Variants in GGA1 observed in about 807,000 individuals in gnomAD.
GGA1 encodes ADP-ribosylation factor-binding protein GGA1.
GGA1 carries 18 observed loss-of-function variants against 76.9 expected under a neutral mutation model. The observed-to-expected ratio is 0.23, with a 90% CI of 0.16 to 0.35. GGA1 has a LOEUF of 0.35. Among genes scored for constraint, GGA1 ranks in the 10% least tolerant of loss-of-function variants. The pLI is 1.00. For synonymous variants in GGA1, 342 were observed against 354.7 expected (o/e 0.96, Z 0.40); for missense variants, 755 against 859.0 (o/e 0.88, Z 1.51).
chr22:37,619,796 A>ACAG, intron 4 of GGA1: 1 of 778,716 alleles, frequency 1.3e-6, no homozygotes, highest in South Asian at 1.3e-5. Flanking sequence ...TCTCCTCCCA[A>ACAG]CAGGGGACTC....
Position 37,630,091 on chromosome 22 carries a change from A to T in GGA1, c.1252A>T (p.Ser418Cys). ...AGCGCAGACATCCCTGCCAGCAAGC[A>T]GCGGTCTGGACGACCTAGACCTCCT... ...PPAQTSLPAS[S>C]GLDDLDLLGK... Residue 418 changes from serine (S) to cysteine (C), a missense_variant, in exon 13 of 17, where the codon AGC (serine) becomes TGC (cysteine). Ser to Cys is a moderately radical substitution (Grantham distance 112). Transcript: ENST00000343632. The T allele has an allele frequency of 6.2e-7, 1 of 1,610,750 alleles. No homozygotes were observed. Among genetic ancestry groups the T allele is most frequent in the South Asian group, 1.1e-5 (1 of 90,996 alleles).
At chr22:37,611,826 C>T (rs1336247458) in intron 1 of GGA1, among the ~76,000 whole-genome samples, 5 of 152,212 alleles carry the variant, frequency 3.3e-5, no homozygotes, top group East Asian at 1.9e-4. Flanking sequence ...GCCGCCATGG[C>T]CTTCCCATGC....
intron 11 of GGA1, among the ~76,000 whole-genome samples, chr22:37,627,909 T>C (rs1931134781): frequency 6.6e-6 from 1 of 152,206 alleles, no homozygotes; most frequent in Non-Finnish European, 1.5e-5. Flanking sequence ...TCAGGCAGCC[T>C]TAACCTCCCC....
intron 3 of GGA1, chr22:37,617,481 A>T: frequency 2.0e-6 from 2 of 995,008 alleles, no homozygotes; most frequent in Non-Finnish European, 2.4e-6. Flanking sequence ...CCACATACCA[A>T]CCCACCATGG....
rs1008616943 is a variant in GGA1 at position 37,632,769 on chromosome 22, G to A, written c.*58G>A. On this transcript the variant is annotated 3_prime_UTR_variant, in exon 17 of 17. Coordinates refer to ENST00000343632, the MANE Select transcript of GGA1 (RefSeq NM_013365.5). The surrounding 1 kb of genome is among the most constrained non-coding windows in gnomAD (Gnocchi z 5.1). Reference sequence around the variant, plus strand: ...GGACCGGTCACTGTCCAGCCTGGAGGGAGGCATTGGTGGCCAAGGACACCC... The same window carrying A: ...GGACCGGTCACTGTCCAGCCTGGAGAGAGGCATTGGTGGCCAAGGACACCC... 3 of 1,060,046 alleles carry A rather than the reference G, an allele frequency of 2.8e-6. No individual in the cohort carries two copies. The highest frequency in any genetic ancestry group is 3.1e-5 in the African/African-American group (2 of 63,510). 65.7% of individuals were successfully genotyped at this position (1,060,046 alleles called of 1,614,324 possible).
Position 37,623,903 on chromosome 22 carries a change from A to C in GGA1, c.832+270A>C. 1 of 428,796 alleles carries C rather than the reference A, an allele frequency of 2.3e-6. No homozygotes were observed. Among genetic ancestry groups the C allele is most frequent in the Non-Finnish European group, 4.3e-6 (1 of 230,130 alleles). 26.6% of individuals were successfully genotyped at this position (428,796 alleles called of 1,614,324 possible). ...GAGGCAGACCCATCCCCTTTTCACA[A>C]CTGGGGCTAAGGGAGGAAAATGACT... is the stretch of plus-strand genomic sequence containing the variant. On this transcript the variant is annotated intron_variant, in intron 9 of 16. Transcript: ENST00000343632. This position sits in a 1 kb window ranked among gnomAD's most constrained non-coding sequence, Gnocchi z 4.6.
At chr22:37,622,182 A>T (rs532444256) in intron 7 of GGA1, among the ~76,000 whole-genome samples, 6 of 149,228 alleles carry the variant, frequency 4.0e-5, no homozygotes, top group African/African-American at 1.5e-4. Flanking sequence ...GGGCTCAAGC[A>T]GTCCTCCCAC....
chr22:37,614,326 G>A, intron 2 of GGA1, 52 bp downstream of exon 2: 1 of 1,290,040 alleles, frequency 7.8e-7, no homozygotes. Context: ...CCAGAACCCA[G>A]TCTCGGGTAC....
chr22:37,628,783 T>G (rs1362112968), intron 11 of GGA1, among the ~76,000 whole-genome samples: 2 of 152,218 alleles, frequency 1.3e-5, no homozygotes, highest in African/African-American at 4.8e-5. Flanking sequence ...ATCCCTTATC[T>G]TCTCTAGGTC....
chr22:37,620,946 T>C lies in GGA1; in HGVS notation c.528+33T>C, dbSNP rs571366049. The C allele has an allele frequency of 1.0e-4, 138 of 1,323,330 alleles. 2 individuals carry two copies. In the South Asian group the frequency reaches 1.5e-3, roughly 14 times the overall value. The allele number at this position is 1,323,330 out of a possible 1,614,324, so 82.0% of individuals were successfully genotyped here. On this transcript the variant is annotated intron_variant, in intron 6 of 16. Transcript: ENST00000343632. The stretch of plus-strand genomic sequence containing the variant: ...TCCAAGGAGGCACATATGGGGACTC[T>C]GAGCCCAGGTGGGGGTCCGTGGGTT...
Position 37,632,306 on chromosome 22 carries a change from C to T in GGA1, c.1699-99C>T. 7.7e-7 allele frequency: 1 copy of T among 1,294,480 alleles called. No homozygotes were observed. The highest frequency in any genetic ancestry group is 1.3e-5 in the South Asian group (1 of 79,842). 80.2% of individuals were successfully genotyped at this position (1,294,480 alleles called of 1,614,324 possible). A position where few individuals can be genotyped will look rare whatever the true frequency, so the allele number is the denominator to read the frequency against. On this transcript the variant is annotated intron_variant, in intron 15 of 16. Transcript: ENST00000343632. This position sits in a 1 kb window ranked among gnomAD's most constrained non-coding sequence, Gnocchi z 5.1. ...GTAGAAGGGACCAGAAGGACTGAGC[C>T]CCAGGATCCCCGGAGGGGAGCTGGC...
At position 37,632,462 on chromosome 22, in the gene GGA1, A is replaced by G. The variant is rs753595978; in HGVS notation, c.1756A>G (p.Ile586Val). 5 of 1,613,958 alleles carry G rather than the reference A, an allele frequency of 3.1e-6. No individual in the cohort carries two copies. The highest frequency in any genetic ancestry group is 3.4e-6 in the Non-Finnish European group (4 of 1,179,898). ...SGTELPAFNP[I>V]VHPSAITQVL... Reference sequence around the variant, plus strand: ...CACGGAGCTGCCAGCTTTTAACCCCATCGTCCACCCCTCAGCAATCACCCA... The same window carrying G: ...CACGGAGCTGCCAGCTTTTAACCCCGTCGTCCACCCCTCAGCAATCACCCA... The change falls in exon 16 of 17, where the codon ATC (isoleucine) becomes GTC (valine). Residue 586 changes from isoleucine (I) to valine (V), a missense_variant. Transcript: ENST00000343632. This position sits in a 1 kb window ranked among gnomAD's most constrained non-coding sequence, Gnocchi z 5.1.
In GGA1 at chr22:37,612,292, G is replaced by A. The variant is rs761209658; in HGVS notation, c.44-1898G>A. Among the ~76,000 whole-genome samples the A allele has an allele frequency of 6.0e-5, 9 of 149,352 alleles. 1 individual carries two copies. In the Middle Eastern group the frequency reaches 0.011, roughly 175 times the overall value. ...ATCCTGGCTAACACAGTGAAACCCC[G>A]TCTCTACTAAAAATACAAAAAAAAA... On this transcript the variant is annotated intron_variant, in intron 1 of 16. Transcript: ENST00000343632.
At position 37,623,865 on chromosome 22, in the gene GGA1, C is replaced by T. The variant is rs888355588; in HGVS notation, c.832+232C>T. 4.1e-5 allele frequency: 21 copies of T among 518,456 alleles called. No homozygotes were observed. Among genetic ancestry groups the T allele is most frequent in the Non-Finnish European group, 2.5e-5 (7 of 284,510 alleles). The allele number at this position is 518,456 out of a possible 1,614,324, so 32.1% of individuals were successfully genotyped here. A position where few individuals can be genotyped will look rare whatever the true frequency, so the allele number is the denominator to read the frequency against. ...CTTAACAGGCATCTTATTTACTACC[C>T]GCAGCTGCACAGGAGGCAGACCCAT... On this transcript the variant is annotated intron_variant, in intron 9 of 16. Transcript: ENST00000343632. The surrounding 1 kb of genome is among the most constrained non-coding windows in gnomAD (Gnocchi z 4.6).
chr22:37,626,531 G>A (rs1930874748), intron 11 of GGA1: 1 of 152,244 alleles, frequency 6.6e-6, no homozygotes, highest in South Asian at 2.1e-4. Flanking sequence ...TGCTCTCAGG[G>A]CAGCAGCCCC....
chr22:37,619,659 A>C, intron 4 of GGA1: 1 of 603,690 alleles, frequency 1.7e-6, no homozygotes. Context: ...TACAGGCGTG[A>C]GCCATGGCCT....
At position 37,625,845 on chromosome 22, in the gene GGA1, C is replaced by T. The variant is rs375037202; in HGVS notation, c.989C>T (p.Ala330Val). 34 of 1,610,718 alleles carry T rather than the reference C, an allele frequency of 2.1e-5. No individual in the cohort carries two copies. The Middle Eastern group carries it at 6.6e-4, about 31-fold the overall frequency. The change falls in exon 11 of 17, where the codon GCG (alanine) becomes GTG (valine). Residue 330 changes from alanine (A) to valine (V), a missense_variant. Physicochemically the swap from Ala to Val is moderately conservative, Grantham distance 64. Transcript: ENST00000343632. The surrounding 1 kb of genome is among the most constrained non-coding windows in gnomAD (Gnocchi z 4.1). ...LDLSGLDLPP[A>V]GTTYPAMPTR... is the part of the protein sequence containing the mutation. ...CTCTCAGGCCTGGATCTCCCGCCTG[C>T]GGGCACCACCTACCCAGCTATGCCC...
In GGA1 at chr22:37,632,305, C is replaced by T. The variant is rs765551972; in HGVS notation, c.1699-100C>T. 7.8e-7 allele frequency: 1 copy of T among 1,284,512 alleles called. No individual in the cohort carries two copies. 79.6% of individuals were successfully genotyped at this position (1,284,512 alleles called of 1,614,324 possible). Reference sequence around the variant, plus strand: ...TGTAGAAGGGACCAGAAGGACTGAGCCCCAGGATCCCCGGAGGGGAGCTGG... The same window carrying T: ...TGTAGAAGGGACCAGAAGGACTGAGTCCCAGGATCCCCGGAGGGGAGCTGG... On this transcript the variant is annotated intron_variant, in intron 15 of 16. Transcript: ENST00000343632. This position sits in a 1 kb window ranked among gnomAD's most constrained non-coding sequence, Gnocchi z 5.1.
intron 1 of GGA1, among the ~76,000 whole-genome samples, chr22:37,611,337 G>A (rs760006788): frequency 6.6e-6 from 1 of 151,564 alleles, no homozygotes; most frequent in African/African-American, 2.4e-5. Context: ...AGCAGCTCCC[G>A]AGGGCTCCAG....
Sources: gnomAD v4.1 joint callset for allele counts (sites outside exome capture counted in the v4.1 genomes callset) on GRCh38, gnomAD v4.1.1 for gene constraint, Gnocchi (gnomAD v3.1) non-coding constraint, MANE v1.5 for transcripts, NCBI Gene and HGNC (gene_info 2026-07-23, HGNC 2026-07-21) for gene names.